The following ACTN2 variants were observed in gnomAD, a reference collection of about 807,000 sequenced individuals.
The protein encoded by ACTN2 is actinin alpha 2, also known as alpha-actinin-2.
In ACTN2, 39 loss-of-function variants were observed where a neutral mutation model predicts 113.8. That is an observed-to-expected ratio of 0.34 (90% CI 0.27 to 0.45). The LOEUF is 0.45. ACTN2 is among the 20% of genes least tolerant of loss of function. The pLI is 1.00. For synonymous variants in ACTN2, 429 were observed against 444.1 expected, an observed-to-expected ratio of 0.97 and a Z score of 0.43; for missense variants, 992 against 1,177.9, an observed-to-expected ratio of 0.84 and a Z score of 2.31.
chr1:236,687,284 G>C (rs1665908789), intron 1 of ACTN2, among the ~76,000 whole-genome samples: 2 of 152,206 alleles, frequency 1.3e-5, no homozygotes, highest in Non-Finnish European at 2.9e-5. Context: ...TCCTTGGAGA[G>C]GGATGTTGTA....
rs1212130923 is a variant in ACTN2, at chr1:236,762,532, G to A, written c.2598G>A (p.Met866Ile). 2 of 1,614,032 alleles carry A rather than the reference G, an allele frequency of 1.2e-6. No individual in the cohort carries two copies. Among genetic ancestry groups the A allele is most frequent in the Non-Finnish European group, 1.7e-6 (2 of 1,180,024 alleles). ...PDQAQYCIKR[M>I]PAYSGPGSVP... The stretch of plus-strand genomic sequence containing the variant: ...AGGCCCAGTACTGCATCAAGAGGAT[G>A]CCCGCCTACTCGGGCCCAGGCAGTG... Residue 866 changes from methionine (M) to isoleucine (I), a missense_variant, in exon 21 of 21, where the codon ATG becomes ATA. Met to Ile is a conservative substitution (Grantham distance 10, BLOSUM62 1). Transcript: ENST00000366578.
chr1:236,709,342 G>A (rs184650925), intron 1 of ACTN2, among the ~76,000 whole-genome samples: 3 of 123,434 alleles, frequency 2.4e-5, no homozygotes, highest in African/African-American at 7.3e-5. Context: ...ATATATATAC[G>A]TGTATATATA....
At position 236,749,181 on chromosome 1, in the gene ACTN2, G is replaced by A. The variant is rs760753594; in HGVS notation, c.1573G>A (p.Ala525Thr). The stretch of plus-strand genomic sequence containing the variant: ...GCTTCACCTGGAGTTTGCCAAGAGG[G>A]CTGCTCCTTTCAACAATTGGATGGA... ...DQLHLEFAKR[A>T]APFNNWMEGA... The change falls in exon 14 of 21, where the codon GCT becomes ACT. Residue 525 changes from alanine (A) to threonine (T), a missense_variant. Transcript: ENST00000366578. 1 of 1,614,146 alleles carries A rather than the reference G, an allele frequency of 6.2e-7. No individual in the cohort carries two copies. The highest frequency in any genetic ancestry group is 1.7e-5 in the Admixed American group (1 of 60,028).
chr1:236,745,413 G>A (rs940613114), intron 12 of ACTN2, among the ~76,000 whole-genome samples: 1 of 152,152 alleles, frequency 6.6e-6, no homozygotes, highest in South Asian at 2.1e-4. Flanking sequence ...CAGCCTGGGC[G>A]ACAGAGCGGG....
chr1:236,732,837 G>T lies in ACTN2; in HGVS notation c.697+1523G>T, dbSNP rs569919530. Among the ~76,000 whole-genome samples the T allele has an allele frequency of 2.6e-5, 4 of 152,296 alleles. No individual in the cohort carries two copies. The South Asian group carries it at 8.3e-4, about 32-fold the overall frequency. On this transcript the variant is annotated intron_variant, in intron 7 of 20. Coordinates refer to ENST00000366578, the MANE Select transcript of ACTN2 (RefSeq NM_001103.4). ...ATCCTCACTTGATTATATCTGCAAAGATCTAACTTCCAAATAAGGTTACAT... is the reference window on the plus strand; with the variant it reads ...ATCCTCACTTGATTATATCTGCAAATATCTAACTTCCAAATAAGGTTACAT...
In ACTN2 at chr1:236,754,922, C is replaced by T; in HGVS notation, c.1975-97C>T. 2 of 1,439,122 alleles carry T rather than the reference C, an allele frequency of 1.4e-6. No homozygotes were observed. The highest frequency in any genetic ancestry group is 3.3e-5 in the Admixed American group (2 of 59,722). 89.1% of individuals were successfully genotyped at this position (1,439,122 alleles called of 1,614,324 possible). A position where few individuals can be genotyped will look rare whatever the true frequency, so the allele number is the denominator to read the frequency against. ...TGGCCGCTGCCTGACGCTGGCCTAGCATCCCATGCAGGGTCTGGAACGGCG... is the reference window on the plus strand; with the variant it reads ...TGGCCGCTGCCTGACGCTGGCCTAGTATCCCATGCAGGGTCTGGAACGGCG... On this transcript the variant is annotated intron_variant, in intron 16 of 20. Coordinates refer to ENST00000366578, the MANE Select transcript of ACTN2 (RefSeq NM_001103.4). This position sits in a 1 kb window ranked among gnomAD's most constrained non-coding sequence, Gnocchi z 4.9.
intron 12 of ACTN2, among the ~76,000 whole-genome samples, chr1:236,745,382 C>T (rs566149282): frequency 2.7e-4 from 41 of 152,162 alleles, no homozygotes; most frequent in Non-Finnish European, 4.9e-4. Flanking sequence ...TGCAGTGAGC[C>T]GAGATCGCGC....
Position 236,754,977 on chromosome 1 carries a change from T to G in ACTN2, c.1975-42T>G. The G allele has an allele frequency of 6.2e-7, 1 of 1,613,568 alleles. No individual in the cohort carries two copies. Among genetic ancestry groups the G allele is most frequent in the East Asian group, 2.2e-5 (1 of 44,880 alleles). ...GTGCCGAGCTCCCTTAGAGGGCACT[T>G]CACTCTGCTTCTCTCTCTGCTTGCT... On this transcript the variant is annotated intron_variant, in intron 16 of 20. Coordinates refer to ENST00000366578, the MANE Select transcript of ACTN2 (RefSeq NM_001103.4). This position sits in a 1 kb window ranked among gnomAD's most constrained non-coding sequence, Gnocchi z 4.9.
chr1:236,764,578 A>C lies in ACTN2; in HGVS notation c.*1959A>C, dbSNP rs151212105. 2 of 152,344 alleles carry C rather than the reference A, an allele frequency of 1.3e-5. No individual in the cohort carries two copies. Among genetic ancestry groups the C allele is most frequent in the African/African-American group, 4.8e-5 (2 of 41,594 alleles). 9.4% of individuals were successfully genotyped at this position (152,344 alleles called of 1,614,324 possible). A position where few individuals can be genotyped will look rare whatever the true frequency, so the allele number is the denominator to read the frequency against. ...TTTTATTTCTGAAGCTGGATGCTCA[A>C]AAATTAAAACGTTTATAAGTTTCTA... On this transcript the variant is annotated 3_prime_UTR_variant, in exon 21 of 21. Coordinates refer to ENST00000366578, the MANE Select transcript of ACTN2 (RefSeq NM_001103.4).
intron 12 of ACTN2, among the ~76,000 whole-genome samples, chr1:236,746,090 C>T (rs1396637623): frequency 2.7e-5 from 4 of 147,356 alleles, no homozygotes; most frequent in Admixed American, 6.9e-5. Flanking sequence ...GGTGTGAACC[C>T]GGGAGGCGGA....
In ACTN2 at chr1:236,697,893, G is replaced by A. The variant is rs1427374832; in HGVS notation, c.126+11094G>A. On this transcript the variant is annotated intron_variant, in intron 1 of 20. Transcript: ENST00000366578. ...TCCTGCCTCAGCCTCCTGAACAGCT[G>A]GGATTACAGGCACCTGCCATCATGC... is the stretch of plus-strand genomic sequence containing the variant. Among the ~76,000 whole-genome samples, 10 of 150,722 alleles carry A rather than the reference G, an allele frequency of 6.6e-5. No homozygotes were observed. In the East Asian group the frequency reaches 2.0e-3, roughly 30 times the overall value.
intron 12 of ACTN2, among the ~76,000 whole-genome samples, chr1:236,745,167 G>A (rs1310179164): frequency 6.6e-6 from 1 of 152,160 alleles, no homozygotes; most frequent in Non-Finnish European, 1.5e-5. Context: ...GGGCGCGGTG[G>A]CTCACGCCTG....
rs538899544 is a variant in ACTN2, at chr1:236,709,341, C to T, written c.127-8517C>T. On this transcript the variant is annotated intron_variant, in intron 1 of 20. Transcript: ENST00000366578. ...GTATATATATACATGTATATATATA[C>T]GTGTATATATATATATACGTGTGTG... Among the ~76,000 whole-genome samples, 533 of 105,372 alleles carry T rather than the reference C, an allele frequency of 5.1e-3. 7 individuals carry two copies. The highest frequency in any genetic ancestry group is 0.021 in the African/African-American group (500 of 23,364). The allele number at this position is 105,372 out of a possible 152,430, so 69.1% of individuals were successfully genotyped here.
At position 236,754,933 on chromosome 1, in the gene ACTN2, G is replaced by C; in HGVS notation, c.1975-86G>C. ...TGACGCTGGCCTAGCATCCCATGCAGGGTCTGGAACGGCGCCTCGTGCCGA... is the reference window on the plus strand; with the variant it reads ...TGACGCTGGCCTAGCATCCCATGCACGGTCTGGAACGGCGCCTCGTGCCGA... On this transcript the variant is annotated intron_variant, in intron 16 of 20. Coordinates refer to ENST00000366578, the MANE Select transcript of ACTN2 (RefSeq NM_001103.4). The surrounding 1 kb of genome is among the most constrained non-coding windows in gnomAD (Gnocchi z 4.9). The C allele has an allele frequency of 1.3e-6, 2 of 1,528,856 alleles. No homozygotes were observed. Among genetic ancestry groups the C allele is most frequent in the Non-Finnish European group, 1.8e-6 (2 of 1,104,246 alleles). The allele number at this position is 1,528,856 out of a possible 1,614,324, so 94.7% of individuals were successfully genotyped here.
At chr1:236,708,435 T>A (rs933696270) in intron 1 of ACTN2, among the ~76,000 whole-genome samples, 1 of 152,212 alleles carries the variant, frequency 6.6e-6, no homozygotes, top group Admixed American at 6.5e-5. Flanking sequence ...TTTGGAGGGA[T>A]ATTTTCAAAG....
intron 12 of ACTN2, among the ~76,000 whole-genome samples, chr1:236,746,228 G>T (rs554454804): frequency 1.3e-5 from 2 of 151,702 alleles, no homozygotes; most frequent in Admixed American, 1.3e-4. Context: ...TAAGAAAATG[G>T]ATTTGGTAGG....
At chr1:236,728,344 C>T (rs949480154) in intron 6 of ACTN2, among the ~76,000 whole-genome samples, 2 of 152,072 alleles carry the variant, frequency 1.3e-5, no homozygotes, top group South Asian at 2.1e-4. Context: ...GGGGTTTCAC[C>T]GTGTCAGCCA....
At chr1:236,725,888 A>C (rs765270046) in intron 4 of ACTN2, 45 bp from the exon 5 acceptor site, 8 of 1,555,738 alleles carry the variant, frequency 5.1e-6, no homozygotes, top group Admixed American at 1.7e-5. Context: ...TAAGTGAACT[A>C]AGCGGCATTT....
intron 7 of ACTN2, 91 bp downstream of exon 7, chr1:236,731,405 C>G (rs377629538): frequency 9.8e-7 from 1 of 1,016,520 alleles, no homozygotes; most frequent in Admixed American, 1.7e-5. Flanking sequence ...AATTTTATAG[C>G]GAAGTTACAT....
Sources: allele counts gnomAD v4.1 joint callset (sites outside exome capture counted in the v4.1 genomes callset), GRCh38; gene constraint gnomAD v4.1.1; non-coding constraint Gnocchi (gnomAD v3.1); transcripts MANE v1.5; gene names NCBI Gene and HGNC (gene_info 2026-07-23, HGNC 2026-07-21).